ANGPT1: variants seen among roughly 807,000 people sequenced by gnomAD.
ANGPT1 encodes the protein angiopoietin 1.
ANGPT1 carries 17 observed loss-of-function variants against 62.2 expected under a neutral mutation model. That is an observed-to-expected ratio of 0.27 (90% CI 0.19 to 0.41). ANGPT1 has a LOEUF of 0.41. Ranked by LOEUF, ANGPT1 falls within the 10% of genes least tolerant of loss-of-function variation. The pLI is 1.00. For missense variants in ANGPT1, 478 were observed against 594.9 expected, an observed-to-expected ratio of 0.80 and a Z score of 2.04; for synonymous variants, 199 against 198.9, an observed-to-expected ratio of 1.00 and a Z score of 0.00.
rs1563591446 is a variant in ANGPT1 at position 107,370,720 on chromosome 8, A to AG, written c.298-23624_298-23623insC. Reference sequence around the variant, plus strand: ...TCTGTCAAAAAAAAAAAAAAAAAAAAAAGAGGAAGAAGAAAGGAAGGAAGA... The same window carrying AG: ...TCTGTCAAAAAAAAAAAAAAAAAAAAGAAGAGGAAGAAGAAAGGAAGGAAGA... On this transcript the variant is annotated intron_variant, in intron 1 of 8. Transcript: ENST00000517746. Among the ~76,000 whole-genome samples, 6 of 146,556 alleles carry AG rather than the reference A, an allele frequency of 4.1e-5. 1 individual carries two copies. Among genetic ancestry groups the AG allele is most frequent in the Non-Finnish European group, 7.5e-5 (5 of 66,620 alleles).
intron 1 of ANGPT1, among the ~76,000 whole-genome samples, chr8:107,418,038 T>C: frequency 6.6e-6 from 1 of 152,216 alleles, no homozygotes; most frequent in East Asian, 1.9e-4. Context: ...GATCATGCAC[T>C]AGAAATTAAA....
chr8:107,445,355 G>A (rs943406011), intron 1 of ANGPT1, among the ~76,000 whole-genome samples: 3 of 152,098 alleles, frequency 2.0e-5, no homozygotes, highest in African/African-American at 7.2e-5. Context: ...GTGAGAAGAA[G>A]AAACTTACAC....
chr8:107,407,995 A>G (rs1817184456), intron 1 of ANGPT1, among the ~76,000 whole-genome samples: 1 of 152,220 alleles, frequency 6.6e-6, no homozygotes, highest in African/African-American at 2.4e-5. Flanking sequence ...CATATGGAGA[A>G]AGCGAATTTG....
intron 1 of ANGPT1, among the ~76,000 whole-genome samples, chr8:107,397,226 T>TA (rs1371369544): frequency 6.6e-6 from 1 of 152,142 alleles, no homozygotes; most frequent in African/African-American, 2.4e-5. Context: ...TGCATATATG[T>TA]ATTTATTTGT....
chr8:107,285,185 TAAC>T (rs1250436949), intron 6 of ANGPT1, among the ~76,000 whole-genome samples: 2 of 152,104 alleles, frequency 1.3e-5, no homozygotes, highest in Non-Finnish European at 1.5e-5. Flanking sequence ...AATTACTAGT[TAAC>T]AAAATATTTT....
intron 3 of ANGPT1, among the ~76,000 whole-genome samples, chr8:107,332,791 C>T (rs1815453925): frequency 6.6e-6 from 1 of 152,158 alleles, no homozygotes; most frequent in Non-Finnish European, 1.5e-5. Context: ...TTTAGATAAT[C>T]CCCCCTGCAA....
chr8:107,324,611 G>A (rs1404018947), intron 3 of ANGPT1, among the ~76,000 whole-genome samples: 1 of 152,106 alleles, frequency 6.6e-6, no homozygotes, highest in Non-Finnish European at 1.5e-5. Context: ...AAGAGGAAGA[G>A]GAAAAAGAAG....
intron 4 of ANGPT1, among the ~76,000 whole-genome samples, chr8:107,320,197 C>T (rs1815117688): frequency 6.6e-6 from 1 of 152,164 alleles, no homozygotes; most frequent in Non-Finnish European, 1.5e-5. Flanking sequence ...CAGATGTTTG[C>T]TTCCCTGATA....
At chr8:107,442,093 G>A (rs1232455859) in intron 1 of ANGPT1, among the ~76,000 whole-genome samples, 1 of 151,952 alleles carries the variant, frequency 6.6e-6, no homozygotes, top group African/African-American at 2.4e-5. Flanking sequence ...CAAAAAAAAA[G>A]CTGGGGGAGT....
In ANGPT1 at chr8:107,497,460, A is replaced by G. The variant is rs1239214623; in HGVS notation, c.99T>C (p.Tyr33=). The G allele has an allele frequency of 6.2e-7, 1 of 1,614,130 alleles. No homozygotes were observed. The highest frequency in any genetic ancestry group is 2.2e-5 in the East Asian group (1 of 44,858). ...CACATTGCCCATGTTGAATCCGGTT[A>G]TATCTTCTCCCACTGTTTTCTGGAC... ...RRSPENSGRR[Y]NRIQHGQCAY... Residue 33 remains tyrosine (Y), a synonymous_variant, in exon 1 of 9, where the codon TAT becomes TAC. Transcript: ENST00000517746.
chr8:107,275,760 G>C (rs138891187), intron 7 of ANGPT1, among the ~76,000 whole-genome samples: 1 of 152,208 alleles, frequency 6.6e-6, no homozygotes, highest in East Asian at 1.9e-4. Context: ...ACAGCAGTAG[G>C]GGAACCTAGA....
chr8:107,416,249 C>T (rs1384297922), intron 1 of ANGPT1, among the ~76,000 whole-genome samples: 1 of 152,214 alleles, frequency 6.6e-6, no homozygotes, highest in Non-Finnish European at 1.5e-5. Flanking sequence ...TTCTCACCAA[C>T]TGGCTTCAAG....
chr8:107,362,271 GA>G (rs1816182578), intron 1 of ANGPT1, among the ~76,000 whole-genome samples: 1 of 152,038 alleles, frequency 6.6e-6, no homozygotes, highest in South Asian at 2.1e-4. Flanking sequence ...TGGCAAGTGA[GA>G]AAAACAAGTA....
chr8:107,270,906 G>T (rs1813718778), intron 7 of ANGPT1, among the ~76,000 whole-genome samples: 1 of 151,992 alleles, frequency 6.6e-6, no homozygotes, highest in African/African-American at 2.4e-5. Flanking sequence ...ATAATGTAAA[G>T]TGTGACTAAT....
At chr8:107,470,043 G>A (rs1465875803) in intron 1 of ANGPT1, among the ~76,000 whole-genome samples, 1 of 151,982 alleles carries the variant, frequency 6.6e-6, no homozygotes, top group Non-Finnish European at 1.5e-5. Flanking sequence ...TCTGTAAAAT[G>A]TTCCTTATAA....
At chr8:107,306,381 C>A in intron 4 of ANGPT1, among the ~76,000 whole-genome samples, 1 of 152,086 alleles carries the variant, frequency 6.6e-6, no homozygotes, top group East Asian at 1.9e-4. Flanking sequence ...CCAAAACAGG[C>A]AATCTCATCT....
intron 1 of ANGPT1, among the ~76,000 whole-genome samples, chr8:107,468,351 ATAATAAATACAT>A (rs1311972801): frequency 3.9e-5 from 6 of 152,076 alleles, no homozygotes; most frequent in South Asian, 2.1e-4. Flanking sequence ...AATCAATCAA[ATAATAAATACAT>A]TAAATTAAAT....
chr8:107,258,063 T>C (rs1172763433), intron 8 of ANGPT1, among the ~76,000 whole-genome samples: 1 of 151,808 alleles, frequency 6.6e-6, no homozygotes, highest in African/African-American at 2.4e-5. Flanking sequence ...TTAAAACTTC[T>C]AGGTATTCTT....
intron 8 of ANGPT1, among the ~76,000 whole-genome samples, chr8:107,256,934 G>A (rs1213465622): frequency 1.3e-5 from 2 of 152,062 alleles, no homozygotes; most frequent in Non-Finnish European, 1.5e-5. Flanking sequence ...TTGGCTCACC[G>A]CAACCTCCGC....
Sources: gnomAD v4.1 joint callset for allele counts (sites outside exome capture counted in the v4.1 genomes callset) on GRCh38, gnomAD v4.1.1 for gene constraint, MANE v1.5 for transcripts, NCBI Gene and HGNC (gene_info 2026-07-23, HGNC 2026-07-21) for gene names.